TBX10: variants seen among roughly 807,000 people sequenced by gnomAD.
TBX10 encodes T-box transcription factor 10.
In TBX10, 26 loss-of-function variants were observed where a neutral mutation model predicts 32.4. The observed-to-expected ratio is 0.80, with a 90% CI of 0.59 to 1.11. TBX10 has a LOEUF of 1.11. Among genes scored for constraint, TBX10 ranks in the 50% most tolerant of loss-of-function variants. The probability of loss-of-function intolerance (pLI) is 0.00; values close to 1 mark genes in which losing one functional copy is unlikely to be tolerated. For missense variants in TBX10, 490 were observed against 494.5 expected (o/e 0.99, Z 0.09); for synonymous variants, 195 against 203.1 (o/e 0.96, Z 0.34).
At position 67,633,056 on chromosome 11, in the gene TBX10, G is replaced by A. The variant is rs1161566330; in HGVS notation, c.597C>T (p.Val199=). The A allele has an allele frequency of 6.8e-6, 11 of 1,614,018 alleles. 1 individual carries two copies. The highest frequency in any genetic ancestry group is 9.3e-6 in the Non-Finnish European group (11 of 1,179,982). The change falls in exon 5 of 8, where the codon GTC becomes GTT. Residue 199 remains valine, a synonymous_variant. Transcript: ENST00000335385. ...MHRYQPRFHV[V]FVDPRKDSER... The stretch of plus-strand genomic sequence containing the variant: ...CACTGTCCTTGCGTGGGTCCACGAA[G>A]ACCACGTGGAAACGGGGCTGGTAGC...
At chr11:67,633,609 C>G (rs1388873911) in intron 4 of TBX10, among the ~76,000 whole-genome samples, 1 of 152,236 alleles carries the variant, frequency 6.6e-6, no homozygotes, top group Non-Finnish European at 1.5e-5. Context: ...TGCAATTCTG[C>G]CGGCCCAGGA....
chr11:67,633,586 C>T (rs1246044164), intron 4 of TBX10, among the ~76,000 whole-genome samples: 1 of 152,264 alleles, frequency 6.6e-6, no homozygotes, highest in Non-Finnish European at 1.5e-5. Flanking sequence ...ACTCCGGCCC[C>T]ATGGATGCGT....
At chr11:67,639,074 C>T (rs529110354) in intron 1 of TBX10, among the ~76,000 whole-genome samples, 2 of 152,304 alleles carry the variant, frequency 1.3e-5, no homozygotes, top group South Asian at 4.2e-4. Context: ...TTTGCTCAGT[C>T]CCTCTAGAAG....
intron 1 of TBX10, 132 bp downstream of exon 1, chr11:67,639,334 T>C (rs1855373306): frequency 3.0e-6 from 4 of 1,321,046 alleles, no homozygotes; most frequent in Non-Finnish European, 4.3e-6. Flanking sequence ...GACCTTAGCC[T>C]GGGGTGCCCC....
At position 67,631,538 on chromosome 11, in the gene TBX10, C is replaced by A; in HGVS notation, c.*67G>T. ...AGAGATGGGGCTGGAGGGGGCGGGGCAGAGGCTGATTCCCACACCCGGTGT... is the reference window on the plus strand; with the variant it reads ...AGAGATGGGGCTGGAGGGGGCGGGGAAGAGGCTGATTCCCACACCCGGTGT... On this transcript the variant is annotated 3_prime_UTR_variant, in exon 8 of 8. Coordinates refer to ENST00000335385, the MANE Select transcript of TBX10 (RefSeq NM_005995.5). 1 of 1,535,392 alleles carries A rather than the reference C, an allele frequency of 6.5e-7. No individual in the cohort carries two copies. Among genetic ancestry groups the A allele is most frequent in the Non-Finnish European group, 8.7e-7 (1 of 1,143,916 alleles).
rs762557472 is a variant in TBX10 at position 67,631,795 on chromosome 11, C to G, written c.968G>C (p.Arg323Thr). Reference sequence around the variant, plus strand: ...GTACAGGCTCTGATACGTGACAGGCCTGTAGGTGGCCGGGGCCAGCAGGAC... The same window carrying G: ...GTACAGGCTCTGATACGTGACAGGCGTGTAGGTGGCCGGGGCCAGCAGGAC... Reference protein sequence around the residue: ...PEVLLAPATYRPVTYQSLYSG... With the variant: ...PEVLLAPATYTPVTYQSLYSG... Residue 323 changes from arginine to threonine, a missense_variant, in exon 8 of 8, where the codon AGG becomes ACG. Physicochemically the swap from Arg to Thr is moderately conservative, Grantham distance 71. Around this residue, in one of 3 missense-constraint regions of TBX10, gnomAD observed 177 missense variants for 176.6 expected, o/e 1.00. Transcript: ENST00000335385. The G allele has an allele frequency of 6.3e-7, 1 of 1,595,990 alleles. No individual in the cohort carries two copies. The highest frequency in any genetic ancestry group is 2.3e-5 in the East Asian group (1 of 44,358).
In TBX10 at chr11:67,634,751, G is replaced by A. The variant is rs1855298318; in HGVS notation, c.377+65C>T. 3.3e-6 allele frequency: 5 copies of A among 1,537,080 alleles called. No homozygotes were observed. In the African/African-American group the frequency reaches 4.1e-5, roughly 13 times the overall value. ...GCCCCTGCCTCACCTTGGGGTGCAG[G>A]AAGGGTCTAATTCCTGGTCTCAGCA... On this transcript the variant is annotated intron_variant, in intron 3 of 7. Transcript: ENST00000335385.
chr11:67,639,050 G>C (rs892480443), intron 1 of TBX10, among the ~76,000 whole-genome samples: 1 of 152,162 alleles, frequency 6.6e-6, no homozygotes, highest in Non-Finnish European at 1.5e-5. Context: ...GACTCTGGTG[G>C]GGGGAGCCTG....
chr11:67,640,273 G>C (rs913134206), upstream of TBX10, among the ~76,000 whole-genome samples: 3 of 152,356 alleles, frequency 2.0e-5, 1 homozygote, highest in African/African-American at 7.2e-5. Context: ...GCTGCGCAAC[G>C]CTGGCAGGTC....
chr11:67,631,932 G>A (rs1253305496), intron 7 of TBX10, 38 bp from the exon 8 acceptor site: 29 of 1,553,502 alleles, frequency 1.9e-5, no homozygotes, highest in African/African-American at 8.2e-5. Context: ...GCCTCCCATC[G>A]CATCCTCATC....
chr11:67,638,191 G>C (rs1331107666), intron 1 of TBX10, among the ~76,000 whole-genome samples: 2 of 148,546 alleles, frequency 1.3e-5, no homozygotes, highest in Non-Finnish European at 2.9e-5. Flanking sequence ...CTGGGTGACA[G>C]AGTGAGACTC....
Position 67,631,404 on chromosome 11 carries a change from T to G in TBX10, c.*201A>C. ...GGCACAGTATTCAGGCTGCTGGGGTTGGGAGATAGAAGTCCTGGTTCCAAG... is the reference window on the plus strand; with the variant it reads ...GGCACAGTATTCAGGCTGCTGGGGTGGGGAGATAGAAGTCCTGGTTCCAAG... On this transcript the variant is annotated 3_prime_UTR_variant, in exon 8 of 8. Transcript: ENST00000335385. The G allele has an allele frequency of 1.5e-6, 1 of 657,680 alleles. No individual in the cohort carries two copies. The highest frequency in any genetic ancestry group is 2.6e-6 in the Non-Finnish European group (1 of 389,160). The allele number at this position is 657,680 out of a possible 1,614,324, so 40.7% of individuals were successfully genotyped here. A position where few individuals can be genotyped will look rare whatever the true frequency, so the allele number is the denominator to read the frequency against.
At chr11:67,636,403 T>G (rs762678400) in intron 1 of TBX10, among the ~76,000 whole-genome samples, 1 of 151,766 alleles carries the variant, frequency 6.6e-6, no homozygotes, top group African/African-American at 2.4e-5. Context: ...GGAACTCTTG[T>G]GCACTGCTGG....
chr11:67,637,933 C>T (rs1855353132), intron 1 of TBX10, among the ~76,000 whole-genome samples: 5 of 152,142 alleles, frequency 3.3e-5, no homozygotes, highest in African/African-American at 4.8e-5. Context: ...GTGGGCCGGG[C>T]GCGGTGGCTC....
rs1855230382 is a variant in TBX10 at position 67,631,533 on chromosome 11, C to T, written c.*72G>A. ...GAGACAGAGATGGGGCTGGAGGGGG[C>T]GGGGCAGAGGCTGATTCCCACACCC... On this transcript the variant is annotated 3_prime_UTR_variant, in exon 8 of 8. Transcript: ENST00000335385. 5 of 1,519,856 alleles carry T rather than the reference C, an allele frequency of 3.3e-6. No homozygotes were observed. The highest frequency in any genetic ancestry group is 4.8e-5 in the East Asian group (2 of 41,878). 94.1% of individuals were successfully genotyped at this position (1,519,856 alleles called of 1,614,324 possible).
intron 1 of TBX10, among the ~76,000 whole-genome samples, chr11:67,638,099 C>T (rs767049974): frequency 5.3e-5 from 8 of 151,966 alleles, no homozygotes; most frequent in South Asian, 2.1e-4. Flanking sequence ...CCCAGCTATT[C>T]GGGAGGCTGA....
intron 1 of TBX10, among the ~76,000 whole-genome samples, chr11:67,636,285 G>A (rs1157158115): frequency 6.9e-6 from 1 of 144,594 alleles, no homozygotes; most frequent in East Asian, 2.0e-4. Context: ...ATCTCCCTAT[G>A]TTGCCCAGGC....
chr11:67,637,778 T>C (rs1156699305), intron 1 of TBX10, among the ~76,000 whole-genome samples: 2 of 152,224 alleles, frequency 1.3e-5, no homozygotes, highest in Non-Finnish European at 2.9e-5. Context: ...TTAGTACAGG[T>C]CTTTGAATAA....
At position 67,634,135 on chromosome 11, in the gene TBX10, C is replaced by A. The variant is rs955694281; in HGVS notation, c.549+54G>T. The A allele has an allele frequency of 3.9e-5, 62 of 1,604,066 alleles. No homozygotes were observed. In the African/African-American group the frequency reaches 8.1e-4, roughly 21 times the overall value. ...CACCAAGGCCATTGGACACCAAAGT[C>A]CCTACCAGCCCTGACCCCAGGCCCT... On this transcript the variant is annotated intron_variant, in intron 4 of 7. Coordinates refer to ENST00000335385, the MANE Select transcript of TBX10 (RefSeq NM_005995.5).
Sources: allele counts gnomAD v4.1 joint callset (sites outside exome capture counted in the v4.1 genomes callset), GRCh38; gene constraint gnomAD v4.1.1; regional missense constraint gnomAD v4.1.1; transcripts MANE v1.5; gene names NCBI Gene and HGNC (gene_info 2026-07-23, HGNC 2026-07-21).